The following MBP variants were observed in gnomAD, a reference collection of about 807,000 sequenced individuals.
The protein encoded by MBP is myelin basic protein, also known as Golli-MBP.
Under a neutral mutation model 35.8 loss-of-function variants are expected in MBP, and 16 were observed. That is an observed-to-expected ratio of 0.45 (90% confidence interval 0.30 to 0.68). MBP has a LOEUF of 0.68. MBP is among the 30% of genes least tolerant of loss of function. The pLI, the probability that MBP is intolerant of heterozygous loss-of-function variation, is 0.08. For synonymous variants in MBP, 143 were observed against 159.6 expected (o/e 0.90, Z 0.78); for missense variants, 380 against 404.7 (o/e 0.94, Z 0.52).
At chr18:77,092,283 A>G (rs1599229798) in intron 2 of MBP, among the ~76,000 whole-genome samples, 1 of 152,180 alleles carries the variant, frequency 6.6e-6, no homozygotes, top group South Asian at 2.1e-4. Context: ...GTCGGGCTGC[A>G]CCCTCCCTCT....
chr18:77,012,301 C>T (rs4890788), intron 4 of MBP, among the ~76,000 whole-genome samples: 46,072 of 152,164 alleles, frequency 0.3, 8,293 homozygotes, highest in Admixed American at 0.43. Flanking sequence ...GGCACTGGCA[C>T]CCATGTGCAC....
intron 3 of MBP, among the ~76,000 whole-genome samples, chr18:77,054,423 G>A (rs765688625): frequency 8.5e-5 from 13 of 152,220 alleles, no homozygotes; most frequent in African/African-American, 1.9e-4. Context: ...GGGAGGGGCC[G>A]CAGGAGATGT....
rs1177670696 is a variant in MBP, at chr18:76,980,053, C to T, written c.*374G>A. ...CAGCTGTGTGCCTCCATGGCAGTGA[C>T]CAGCAAAAGCGCAAGGGTGCCGCAG... On this transcript the variant is annotated 3_prime_UTR_variant, in exon 9 of 9. Transcript: ENST00000355994. 2 of 701,770 alleles carry T rather than the reference C, an allele frequency of 2.8e-6. No individual in the cohort carries two copies. The highest frequency in any genetic ancestry group is 3.5e-5 in the African/African-American group (2 of 57,150). 43.5% of individuals were successfully genotyped at this position (701,770 alleles called of 1,614,324 possible).
intron 2 of MBP, among the ~76,000 whole-genome samples, chr18:77,083,377 C>T (rs1332330705): frequency 6.6e-6 from 1 of 152,078 alleles, no homozygotes; most frequent in Non-Finnish European, 1.5e-5. Context: ...TTTTCTTTGA[C>T]CTTTTCTTTC....
In MBP at chr18:76,980,269, G is replaced by A. The variant is rs1439458377; in HGVS notation, c.*158C>T. ...ATTTAACTGTTGGCCGGAAATTGCC[G>A]GTAGGCTGCCGTGGCCTGACCCTAC... On this transcript the variant is annotated 3_prime_UTR_variant, in exon 9 of 9. Transcript: ENST00000355994. 13 of 749,956 alleles carry A rather than the reference G, an allele frequency of 1.7e-5. No individual in the cohort carries two copies. Among genetic ancestry groups the A allele is most frequent in the African/African-American group, 3.5e-5 (2 of 57,706 alleles). The allele number at this position is 749,956 out of a possible 1,614,324, so 46.5% of individuals were successfully genotyped here.
At chr18:77,053,711 A>G (rs989660977) in intron 3 of MBP, among the ~76,000 whole-genome samples, 3 of 152,224 alleles carry the variant, frequency 2.0e-5, no homozygotes, top group African/African-American at 7.2e-5. Flanking sequence ...CCATGTGCAA[A>G]TGAAGTCTTT....
intron 1 of MBP, among the ~76,000 whole-genome samples, chr18:77,130,338 G>A (rs760405476): frequency 1.4e-4 from 21 of 151,722 alleles, no homozygotes; most frequent in South Asian, 4.1e-4. Flanking sequence ...ATGGAATCCC[G>A]CCTCTTCTTG....
chr18:77,084,417 C>CCG (rs1555726621), intron 2 of MBP, among the ~76,000 whole-genome samples: 6 of 39,340 alleles, frequency 1.5e-4, no homozygotes, highest in Non-Finnish European at 2.5e-4. Context: ...CACCGCCCCC[C>CCG]CCGCCACACC....
intron 2 of MBP, among the ~76,000 whole-genome samples, chr18:77,074,183 C>A (rs990618821): frequency 2.0e-5 from 3 of 152,166 alleles, no homozygotes; most frequent in Non-Finnish European, 4.4e-5. Flanking sequence ...GTGGGGGCTT[C>A]AATTTTTCTG....
chr18:77,131,837 C>T lies in MBP; in HGVS notation c.-26+743G>A, dbSNP rs112147011. ...GAGGGGACTGCCGGGAAGACCCGGGCGGGCCGGCGGGCGGCTGCGGGCGGC... is the reference window on the plus strand; with the variant it reads ...GAGGGGACTGCCGGGAAGACCCGGGTGGGCCGGCGGGCGGCTGCGGGCGGC... On this transcript the variant is annotated intron_variant, in intron 1 of 8. Coordinates refer to ENST00000355994, the MANE Select transcript of MBP (RefSeq NM_001025101.2). The surrounding 1 kb of genome is among the most constrained non-coding windows in gnomAD (Gnocchi z 5.5). Among the ~76,000 whole-genome samples the T allele has an allele frequency of 6.6e-6, 1 of 152,118 alleles. No homozygotes were observed. Among genetic ancestry groups the T allele is most frequent in the African/African-American group, 2.4e-5 (1 of 41,538 alleles).
intron 3 of MBP, among the ~76,000 whole-genome samples, chr18:77,061,402 T>C (rs539688821): frequency 6.6e-6 from 1 of 152,362 alleles, no homozygotes; most frequent in East Asian, 1.9e-4. Flanking sequence ...TACTGAGTAC[T>C]GTGAGGAGAT....
intron 1 of MBP, among the ~76,000 whole-genome samples, chr18:77,123,498 C>G (rs1487124975): frequency 6.6e-6 from 1 of 152,200 alleles, no homozygotes; most frequent in Non-Finnish European, 1.5e-5. Context: ...GCTGTGTCGA[C>G]CTGGAAACAC....
chr18:76,988,220 A>ACGT lies in MBP; in HGVS notation c.750+272_750+274dup. 1 of 1,549,090 alleles carries ACGT rather than the reference A, an allele frequency of 6.5e-7. No individual in the cohort carries two copies. Among genetic ancestry groups the ACGT allele is most frequent in the Admixed American group, 2.0e-5 (1 of 50,998 alleles). On this transcript the variant is annotated intron_variant, in intron 7 of 8. Transcript: ENST00000355994. This position sits in a 1 kb window ranked among gnomAD's most constrained non-coding sequence, Gnocchi z 5.2. ...TCCCTCCCTGGGAGGGAGACCAGTC[A>ACGT]CGTCGCCTGGGAACCCTCTGGGAGA...
chr18:77,123,638 G>A (rs1976954942), intron 1 of MBP, among the ~76,000 whole-genome samples: 1 of 152,172 alleles, frequency 6.6e-6, no homozygotes, highest in Non-Finnish European at 1.5e-5. Context: ...GTGGGCCTAG[G>A]ACTCTGCATT....
intron 1 of MBP, among the ~76,000 whole-genome samples, chr18:77,129,770 C>CT (rs1256668072): frequency 6.6e-6 from 1 of 152,164 alleles, no homozygotes; most frequent in Non-Finnish European, 1.5e-5. Flanking sequence ...TGGCTCATGC[C>CT]TGTAATCCCA....
chr18:77,010,668 C>G (rs1355919967), intron 4 of MBP, among the ~76,000 whole-genome samples: 3 of 152,218 alleles, frequency 2.0e-5, no homozygotes, highest in Non-Finnish European at 4.4e-5. Flanking sequence ...TAATCTTCCT[C>G]AGCAGGAGCA....
intron 3 of MBP, among the ~76,000 whole-genome samples, chr18:77,062,935 C>G (rs1974041375): frequency 6.6e-6 from 1 of 152,198 alleles, no homozygotes; most frequent in African/African-American, 2.4e-5. Flanking sequence ...TCTCACATTC[C>G]TCGCTCATTC....
At chr18:77,091,049 T>G (rs1159338834) in intron 2 of MBP, among the ~76,000 whole-genome samples, 1 of 152,214 alleles carries the variant, frequency 6.6e-6, no homozygotes. Flanking sequence ...AACTCATTCC[T>G]AAAAGAGGTA....
At chr18:77,084,422 C>G (rs1297754716) in intron 2 of MBP, among the ~76,000 whole-genome samples, 1 of 33,780 alleles carries the variant, frequency 3.0e-5, no homozygotes, top group Admixed American at 3.3e-4. Flanking sequence ...CCCCCCCCGC[C>G]ACACCACACC....
Sources: gnomAD v4.1 joint callset for allele counts (sites outside exome capture counted in the v4.1 genomes callset) on GRCh38, gnomAD v4.1.1 for gene constraint, Gnocchi (gnomAD v3.1) non-coding constraint, MANE v1.5 for transcripts, NCBI Gene and HGNC (gene_info 2026-07-23, HGNC 2026-07-21) for gene names.